Variants in YEATS4 observed in about 807,000 individuals in gnomAD.
The protein encoded by YEATS4 is YEATS domain-containing protein 4.
A neutral mutation model predicts 30.1 loss-of-function variants in YEATS4; 17 were observed. That is an observed-to-expected ratio of 0.56 (90% CI 0.39 to 0.85). The LOEUF is 0.85. YEATS4 is among the 40% of genes least tolerant of loss of function. YEATS4 has a pLI of 0.00. For missense variants in YEATS4, 142 were observed against 268.3 expected, an observed-to-expected ratio of 0.53 and a Z score of 3.29; for synonymous variants, 85 against 87.5, an observed-to-expected ratio of 0.97 and a Z score of 0.16.
chr12:69,372,611 T>G (rs1383272644), intron 6 of YEATS4, among the ~76,000 whole-genome samples: 2 of 148,802 alleles, frequency 1.3e-5, no homozygotes, highest in Non-Finnish European at 3.0e-5. Context: ...CTCGGCTCAC[T>G]GCAACCTCTG....
At chr12:69,370,838 A>C in intron 5 of YEATS4, 40 bp downstream of exon 5, 1 of 1,597,962 alleles carries the variant, frequency 6.3e-7, no homozygotes, top group East Asian at 2.2e-5. Context: ...AAGCATTTGA[A>C]GTTGGAGAAC....
At chr12:69,417,153 A>ATTTTTTTTTTTTTTTTTTTT in the YEATS4 span, among the ~76,000 whole-genome samples, 2 of 136,378 alleles carry the variant, frequency 1.5e-5, 1 homozygote, top group Non-Finnish European at 3.1e-5. Context: ...ATTTTTTAAA[A>ATTTTTTTTTTTTTTTTTTTT]ATTTTTTTTT....
chr12:69,360,205 A>G (rs954771403), intron 1 of YEATS4, among the ~76,000 whole-genome samples, 182 bp downstream of exon 1: 4 of 152,096 alleles, frequency 2.6e-5, no homozygotes, highest in African/African-American at 7.2e-5. Flanking sequence ...TTGGGCCCCA[A>G]CTTCCTCGCG....
downstream of YEATS4, among the ~76,000 whole-genome samples, chr12:69,391,926 C>A (rs1401626583): frequency 6.6e-6 from 1 of 152,182 alleles, no homozygotes; most frequent in Non-Finnish European, 1.5e-5. Flanking sequence ...GGTCTGACTT[C>A]ATGCATGCAT....
At chr12:69,399,020 G>T in the YEATS4 span, among the ~76,000 whole-genome samples, 2 of 151,606 alleles carry the variant, frequency 1.3e-5, no homozygotes, top group Non-Finnish European at 2.9e-5. Flanking sequence ...GGTGGCGGGT[G>T]CCTGTAGTCC....
At chr12:69,372,551 T>TTTTTTTTTTTTTTG (rs1875687298) in intron 6 of YEATS4, among the ~76,000 whole-genome samples, 3 of 150,910 alleles carry the variant, frequency 2.0e-5, no homozygotes, top group South Asian at 2.1e-4. Flanking sequence ...TTTTTTTTTT[T>TTTTTTTTTTTTTTG]TGAGACAGAG....
downstream of YEATS4, among the ~76,000 whole-genome samples, chr12:69,394,794 A>G (rs1471811922): frequency 1.3e-5 from 2 of 152,086 alleles, no homozygotes; most frequent in East Asian, 1.9e-4. Context: ...GAATTTCGCC[A>G]TAGTCTTGAA....
intron 1 of YEATS4, 74 bp downstream of exon 1, chr12:69,360,097 C>A: frequency 6.6e-7 from 1 of 1,517,864 alleles, no homozygotes; most frequent in Non-Finnish European, 9.0e-7. Context: ...GCGGGGAGGG[C>A]CCACTGGGTT....
the YEATS4 span, among the ~76,000 whole-genome samples, chr12:69,409,658 T>C: frequency 1.3e-5 from 2 of 151,926 alleles, no homozygotes; most frequent in East Asian, 3.9e-4. Context: ...ATGCTTCTTA[T>C]TGAGGTATAA....
intron 6 of YEATS4, among the ~76,000 whole-genome samples, chr12:69,375,725 AC>A (rs1875844181): frequency 6.6e-6 from 1 of 152,074 alleles, no homozygotes; most frequent in Non-Finnish European, 1.5e-5. Flanking sequence ...ACACGGCGAA[AC>A]CCCGTCTCCA....
the YEATS4 span, among the ~76,000 whole-genome samples, chr12:69,409,613 T>C: frequency 6.7e-6 from 1 of 149,730 alleles, no homozygotes; most frequent in Non-Finnish European, 1.5e-5. Context: ...TGAGACTCTG[T>C]TTAAAAAAAA....
chr12:69,416,566 G>C, the YEATS4 span, among the ~76,000 whole-genome samples: 1 of 152,152 alleles, frequency 6.6e-6, no homozygotes, highest in South Asian at 2.1e-4. Flanking sequence ...GTGGTTCAAA[G>C]GGCAGCCCAA....
In YEATS4 at chr12:69,365,717, G is replaced by T; in HGVS notation, c.238+18G>T. On this transcript the variant is annotated intron_variant, in intron 3 of 6. Transcript: ENST00000247843. ...TTTAAGAGGTACAATATAGTCTTTT[G>T]ATTCACAATATCCAAAGTTAAAAAT... 2 of 1,606,732 alleles carry T rather than the reference G, an allele frequency of 1.2e-6. No homozygotes were observed. Among genetic ancestry groups the T allele is most frequent in the South Asian group, 2.2e-5 (2 of 89,608 alleles).
intron 6 of YEATS4, among the ~76,000 whole-genome samples, chr12:69,376,642 T>G (rs1418840458): frequency 6.6e-6 from 1 of 152,262 alleles, no homozygotes; most frequent in African/African-American, 2.4e-5. Flanking sequence ...GCATCAGTGT[T>G]CATCAGGGAT....
At chr12:69,397,253 G>C in the YEATS4 span, among the ~76,000 whole-genome samples, 10 of 152,210 alleles carry the variant, frequency 6.6e-5, no homozygotes, top group African/African-American at 2.2e-4. Context: ...CACATATTGA[G>C]CCCTAACCCC....
At chr12:69,388,521 A>G (rs1592861432) in intron 6 of YEATS4, among the ~76,000 whole-genome samples, 2 of 152,230 alleles carry the variant, frequency 1.3e-5, no homozygotes, top group African/African-American at 2.4e-5. Flanking sequence ...GAAAGTAAGT[A>G]TAAGTGTACT....
intron 6 of YEATS4, among the ~76,000 whole-genome samples, chr12:69,381,986 C>G (rs575524649): frequency 2.0e-5 from 3 of 152,212 alleles, no homozygotes; most frequent in Non-Finnish European, 2.9e-5. Context: ...GCCACCTGAT[C>G]TAACGCCTCA....
chr12:69,371,672 G>C (rs1001224339), intron 6 of YEATS4, among the ~76,000 whole-genome samples: 1 of 152,192 alleles, frequency 6.6e-6, no homozygotes, highest in Non-Finnish European at 1.5e-5. Flanking sequence ...TAGCTGCTGA[G>C]GTTAGAGCAG....
intron 6 of YEATS4, among the ~76,000 whole-genome samples, chr12:69,375,919 C>T (rs1239584282): frequency 3.9e-5 from 6 of 152,078 alleles, no homozygotes; most frequent in Non-Finnish European, 8.8e-5. Context: ...GGGGAGACTT[C>T]TTTCTTGATT....
Sources: allele counts gnomAD v4.1 joint callset (sites outside exome capture counted in the v4.1 genomes callset), GRCh38; gene constraint gnomAD v4.1.1; transcripts MANE v1.5; gene names NCBI Gene and HGNC (gene_info 2026-07-23, HGNC 2026-07-21).